PRICKLE1: variants seen among roughly 807,000 people sequenced by gnomAD.
PRICKLE1 encodes prickle planar cell polarity protein 1, also known as prickle-like protein 1.
In PRICKLE1, 14 loss-of-function variants were observed where a neutral mutation model predicts 70.2. The observed-to-expected ratio is 0.20, with a 90% CI of 0.13 to 0.31. The LOEUF (loss-of-function observed/expected upper bound fraction) is 0.31. PRICKLE1 is among the 10% of genes least tolerant of loss of function. The pLI, the probability that PRICKLE1 is intolerant of heterozygous loss-of-function variation, is 1.00. For synonymous variants in PRICKLE1, 357 were observed against 379.9 expected, an observed-to-expected ratio of 0.94 and a Z score of 0.70; for missense variants, 821 against 1,026.2, an observed-to-expected ratio of 0.80 and a Z score of 2.73.
At chr12:42,582,957 A>G (rs1352690360) in intron 1 of PRICKLE1, among the ~76,000 whole-genome samples, 2 of 152,178 alleles carry the variant, frequency 1.3e-5, no homozygotes, top group African/African-American at 4.8e-5. Flanking sequence ...TCAGATCCCA[A>G]ATTAGGAACT....
chr12:42,553,537 C>CGG (rs796727351), intron 1 of PRICKLE1, among the ~76,000 whole-genome samples: 1 of 15,766 alleles, frequency 6.3e-5, no homozygotes, highest in Non-Finnish European at 1.6e-4. Flanking sequence ...GTGGGTGGGG[C>CGG]GGGGGGGGTC....
At chr12:42,540,262 T>C (rs985194611) in intron 1 of PRICKLE1, among the ~76,000 whole-genome samples, 12 of 152,202 alleles carry the variant, frequency 7.9e-5, no homozygotes, top group Non-Finnish European at 1.3e-4. Context: ...GCAGCTCTGA[T>C]AGAAAGATGG....
chr12:42,551,052 T>C (rs963469986), intron 1 of PRICKLE1, among the ~76,000 whole-genome samples: 1 of 152,220 alleles, frequency 6.6e-6, no homozygotes, highest in African/African-American at 2.4e-5. Flanking sequence ...AAAAGCCTTA[T>C]TGAGGAAGCC....
At chr12:42,573,831 A>C (rs1311180482) in intron 1 of PRICKLE1, among the ~76,000 whole-genome samples, 2 of 152,214 alleles carry the variant, frequency 1.3e-5, no homozygotes, top group African/African-American at 4.8e-5. Flanking sequence ...CCACCGCACC[A>C]GGCTGAGCAA....
rs972549136 is a variant in PRICKLE1 at position 42,457,343 on chromosome 12, A to C, written c.*2466T>G. On this transcript the variant is annotated 3_prime_UTR_variant, in exon 8 of 8. Transcript: ENST00000345127. The stretch of plus-strand genomic sequence containing the variant: ...CCTGCATTTCTTCAGGCTAAGTATC[A>C]CCTGTTTACTATTTATTATCCATCC... 2 of 152,132 alleles carry C rather than the reference A, an allele frequency of 1.3e-5. No individual in the cohort carries two copies. The highest frequency in any genetic ancestry group is 1.5e-5 in the Non-Finnish European group (1 of 68,028). 9.4% of individuals were successfully genotyped at this position (152,132 alleles called of 1,614,324 possible).
chr12:42,479,717 A>C (rs1938719263), intron 1 of PRICKLE1, among the ~76,000 whole-genome samples: 1 of 152,196 alleles, frequency 6.6e-6, no homozygotes, highest in African/African-American at 2.4e-5. Context: ...AGCACTATAG[A>C]GGCTAAGGTG....
rs201217516 is a variant in PRICKLE1, at chr12:42,552,059, C to CTTTTTTT, written c.-49+37399_-49+37405dup. Among the ~76,000 whole-genome samples the CTTTTTTT allele has an allele frequency of 3.9e-5, 5 of 129,246 alleles. No individual in the cohort carries two copies. The South Asian group carries it at 1.0e-3, about 26-fold the overall frequency. The allele number at this position is 129,246 out of a possible 152,430, so 84.8% of individuals were successfully genotyped here. ...AACCTGTACACATTCAAGAAAGTTACTTTTTTTTTTTTTTTTTTTTTTTTG... is the reference window on the plus strand; with the variant it reads ...AACCTGTACACATTCAAGAAAGTTACTTTTTTTTTTTTTTTTTTTTTTTTTTTTTTTG... On this transcript the variant is annotated intron_variant, in intron 1 of 7. Coordinates refer to ENST00000345127, the MANE Select transcript of PRICKLE1 (RefSeq NM_153026.3).
intron 1 of PRICKLE1, among the ~76,000 whole-genome samples, chr12:42,498,701 G>A (rs566360447): frequency 2.6e-5 from 4 of 152,246 alleles, no homozygotes; most frequent in South Asian, 2.1e-4. Context: ...AAAGAAGCCC[G>A]TCCATTTCCA....
At chr12:42,488,922 CTT>C (rs768868836) in intron 1 of PRICKLE1, among the ~76,000 whole-genome samples, 45 of 130,800 alleles carry the variant, frequency 3.4e-4, no homozygotes, top group African/African-American at 5.5e-4. Flanking sequence ...ATCAATCTAT[CTT>C]TTTTTTTTTT....
chr12:42,504,229 A>G (rs2140185409), intron 1 of PRICKLE1, among the ~76,000 whole-genome samples: 1 of 152,330 alleles, frequency 6.6e-6, no homozygotes, highest in South Asian at 2.1e-4. Flanking sequence ...AAAGGCTCAG[A>G]GGCACCACTC....
chr12:42,472,279 G>C, intron 2 of PRICKLE1, 106 bp downstream of exon 2: 2 of 1,222,052 alleles, frequency 1.6e-6, no homozygotes, highest in Non-Finnish European at 2.4e-6. Flanking sequence ...GAGGAGGGTG[G>C]TATTCCAGCA....
chr12:42,465,127 A>T lies in PRICKLE1; in HGVS notation c.907T>A (p.Ser303Thr). 6.4e-7 allele frequency: 1 copy of T among 1,574,688 alleles called. No homozygotes were observed. The change falls in exon 7 of 8, where the codon TCA becomes ACA. Residue 303 changes from serine to threonine, a missense_variant. Physicochemically the swap from Ser to Thr is moderately conservative, Grantham distance 58 (BLOSUM62 1). Coordinates refer to ENST00000345127, the MANE Select transcript of PRICKLE1 (RefSeq NM_153026.3). ...FLPKQGQIYC[S>T]KTCSLGEDVH... ...TCTTCACCAAGACTGCACGTTTTTG[A>T]GCAGTAAATCTGACCCTGTTTGGGA...
intron 1 of PRICKLE1, among the ~76,000 whole-genome samples, chr12:42,564,252 C>CT (rs1940581270): frequency 1.9e-4 from 1 of 5,290 alleles, no homozygotes; most frequent in Admixed American, 2.9e-3. Flanking sequence ...GAGACTCTGT[C>CT]TAAAAAAAAA....
rs143613464 is a variant in PRICKLE1, at chr12:42,554,373, T to C, written c.-49+35092A>G. Among the ~76,000 whole-genome samples the C allele has an allele frequency of 4.7e-3, 712 of 152,344 alleles. 2 individuals carry two copies. The highest frequency in any genetic ancestry group is 8.7e-3 in the Non-Finnish European group (593 of 68,036). ...AAGGAAAAAGTAAAATAACCCATAA[T>C]TTTACATTGAAAACTTAGAATTCAG... On this transcript the variant is annotated intron_variant, in intron 1 of 7. Coordinates refer to ENST00000345127, the MANE Select transcript of PRICKLE1 (RefSeq NM_153026.3).
At chr12:42,479,123 A>G (rs567448813) in intron 1 of PRICKLE1, among the ~76,000 whole-genome samples, 86 of 152,362 alleles carry the variant, frequency 5.6e-4, no homozygotes, top group Admixed American at 2.7e-3. Flanking sequence ...CACGACCATA[A>G]AGAATTAAAG....
chr12:42,536,187 G>A (rs543792746), intron 1 of PRICKLE1, among the ~76,000 whole-genome samples: 12 of 152,310 alleles, frequency 7.9e-5, no homozygotes, highest in African/African-American at 2.9e-4. Context: ...TAGCAATTAT[G>A]GGCAGAAAGA....
rs192114263 is a variant in PRICKLE1 at position 42,499,546 on chromosome 12, G to A, written c.-48-26982C>T. On this transcript the variant is annotated intron_variant, in intron 1 of 7. Transcript: ENST00000345127. ...AGCAATTCTCCTACCTCAGCCTCCT[G>A]AGTAGCTGGGACTATAAGCACATGC... Among the ~76,000 whole-genome samples the A allele has an allele frequency of 2.4e-3, 366 of 150,910 alleles. 2 individuals are homozygous for A. The highest frequency in any genetic ancestry group is 8.6e-3 in the African/African-American group (353 of 41,016).
intron 1 of PRICKLE1, among the ~76,000 whole-genome samples, chr12:42,585,999 T>C (rs138700779): frequency 7.9e-5 from 12 of 152,298 alleles, no homozygotes; most frequent in Non-Finnish European, 1.6e-4. Flanking sequence ...CAGGACTTGG[T>C]GCCCAGATTA....
intron 1 of PRICKLE1, among the ~76,000 whole-genome samples, chr12:42,571,312 G>A (rs977813003): frequency 6.6e-6 from 1 of 152,122 alleles, no homozygotes; most frequent in Non-Finnish European, 1.5e-5. Context: ...TAAAAAAAAA[G>A]ATCAGTAAAC....
Sources: gnomAD v4.1 joint callset for allele counts (sites outside exome capture counted in the v4.1 genomes callset) on GRCh38, gnomAD v4.1.1 for gene constraint, MANE v1.5 for transcripts, NCBI Gene and HGNC (gene_info 2026-07-23, HGNC 2026-07-21) for gene names.